The following TRIB3 variants were observed in gnomAD, a reference collection of about 807,000 sequenced individuals.
TRIB3 encodes tribbles homolog 3.
TRIB3 carries 20 observed loss-of-function variants against 16.6 expected under a neutral mutation model. That is an observed-to-expected ratio of 1.20 (90% CI 0.85 to 1.75). The LOEUF (loss-of-function observed/expected upper bound fraction) is 1.75, where lower values mean the gene tolerates loss of function less well. Ranked by LOEUF, TRIB3 falls within the 40% of genes most tolerant of loss-of-function variation. The pLI is 0.00. For missense variants in TRIB3, 484 were observed against 488.9 expected (o/e 0.99, Z 0.10); for synonymous variants, 208 against 217.0 (o/e 0.96, Z 0.36).
intron 1 of TRIB3, chr20:385,559 G>C (rs1349504082): frequency 1.3e-5 from 2 of 151,886 alleles, no homozygotes; most frequent in African/African-American, 2.4e-5. Flanking sequence ...ACTTCACCTG[G>C]GAACTGGATA....
intron 3 of TRIB3, among the ~76,000 whole-genome samples, chr20:395,493 T>A (rs2015100973): frequency 6.6e-6 from 1 of 151,970 alleles, no homozygotes; most frequent in Admixed American, 6.6e-5. Context: ...TGCTTACCTG[T>A]TTGTGTTTTT....
intron 1 of TRIB3, among the ~76,000 whole-genome samples, chr20:387,031 G>A (rs529846070): frequency 1.6e-4 from 24 of 149,718 alleles, no homozygotes; most frequent in Middle Eastern, 7.2e-3. Context: ...GATTACAGGC[G>A]TGAGCCACCA....
At chr20:386,954 T>C (rs543677835) in intron 1 of TRIB3, among the ~76,000 whole-genome samples, 1 of 151,502 alleles carries the variant, frequency 6.6e-6, no homozygotes, top group South Asian at 2.1e-4. Context: ...GGTTTCACCA[T>C]GTTGGCCAGG....
intron 2 of TRIB3, among the ~76,000 whole-genome samples, chr20:388,951 G>GCTA (rs2014898993): frequency 6.6e-6 from 1 of 152,128 alleles, no homozygotes; most frequent in Non-Finnish European, 1.5e-5. Context: ...ACTGGGCCTG[G>GCTA]CTCCTGGGGT....
chr20:392,418 T>C (rs2015005733), intron 3 of TRIB3, among the ~76,000 whole-genome samples: 1 of 152,092 alleles, frequency 6.6e-6, no homozygotes, highest in South Asian at 2.1e-4. Flanking sequence ...AGGGCTGGAT[T>C]GTTAGGGTGT....
At chr20:384,190 C>G (rs923089774) in intron 1 of TRIB3, among the ~76,000 whole-genome samples, 1 of 152,110 alleles carries the variant, frequency 6.6e-6, no homozygotes, top group Non-Finnish European at 1.5e-5. Flanking sequence ...CTCACTGCCC[C>G]GTCTTGTACT....
chr20:387,550 TG>T (rs368749190), intron 1 of TRIB3, among the ~76,000 whole-genome samples: 44 of 137,468 alleles, frequency 3.2e-4, no homozygotes, highest in East Asian at 2.3e-3. Context: ...CAACATCTCT[TG>T]GGGAAAAAAA....
rs770252381 is a variant in TRIB3, at chr20:391,481, C to T, written c.486C>T (p.Leu162=). The change falls in exon 3 of 4, where the codon CTC becomes CTT. Residue 162 remains leucine (L), a synonymous_variant. Coordinates refer to ENST00000217233, the MANE Select transcript of TRIB3 (RefSeq NM_021158.5). ...HRIPEPEAAV[L]FRQMATALAH... ...TCCCTGAGCCTGAGGCTGCCGTGCT[C>T]TTCCGCCAGATGGCCACCGCCCTGG... The T allele has an allele frequency of 5.6e-6, 9 of 1,613,760 alleles. No homozygotes were observed. The highest frequency in any genetic ancestry group is 1.3e-5 in the African/African-American group (1 of 74,958).
intron 2 of TRIB3, among the ~76,000 whole-genome samples, chr20:390,520 G>A (rs1021101969): frequency 4.6e-5 from 7 of 152,194 alleles, no homozygotes; most frequent in Non-Finnish European, 1.0e-4. Context: ...CCCAGGGCCA[G>A]CATACTGAAT....
At chr20:384,540 G>A (rs1462986406) in intron 1 of TRIB3, among the ~76,000 whole-genome samples, 3 of 151,958 alleles carry the variant, frequency 2.0e-5, no homozygotes, top group Admixed American at 2.0e-4. Flanking sequence ...ATTTTTGTAT[G>A]TTTAGTAGAG....
chr20:386,611 TG>T (rs528513666), intron 1 of TRIB3, among the ~76,000 whole-genome samples: 8 of 151,820 alleles, frequency 5.3e-5, no homozygotes, highest in Non-Finnish European at 1.0e-4. Context: ...CTTGTTCTGT[TG>T]GCCAGGCTGA....
chr20:388,163 C>G lies in TRIB3; in HGVS notation c.153C>G (p.Ser51Arg). The change falls in exon 2 of 4, where the codon AGC becomes AGG. Residue 51 changes from serine to arginine, a missense_variant. By Grantham distance (110) the Ser-to-Arg change is moderately radical (BLOSUM62 -1). Transcript: ENST00000217233. ...TGCCCCCCTGCCTGTTGCCCCTGAG[C>G]CCACCTACTGCTCCAGATCGTGCAA... ...PRLPPCLLPL[S>R]PPTAPDRATA... 1 of 1,614,072 alleles carries G rather than the reference C, an allele frequency of 6.2e-7. No homozygotes were observed. The highest frequency in any genetic ancestry group is 8.5e-7 in the Non-Finnish European group (1 of 1,180,026).
intron 2 of TRIB3, among the ~76,000 whole-genome samples, chr20:390,808 C>T (rs984493257): frequency 4.6e-5 from 7 of 152,080 alleles, no homozygotes; most frequent in Non-Finnish European, 7.4e-5. Context: ...TCGAGACCAG[C>T]TTAGCCAACA....
At chr20:394,059 C>T (rs1354993180) in intron 3 of TRIB3, among the ~76,000 whole-genome samples, 41 of 134,374 alleles carry the variant, frequency 3.1e-4, no homozygotes, top group African/African-American at 1.2e-3. Flanking sequence ...GAGACAGAGT[C>T]TCGCTCTGTT....
At chr20:388,365 G>T in intron 2 of TRIB3, 64 bp downstream of exon 2, 2 of 1,526,350 alleles carry the variant, frequency 1.3e-6, no homozygotes, top group Non-Finnish European at 1.8e-6. Flanking sequence ...GCCTCCAAAG[G>T]ATTGCCAGGG....
chr20:390,329 AAAAAAAC>A (rs1038335216), intron 2 of TRIB3, among the ~76,000 whole-genome samples: 11 of 144,012 alleles, frequency 7.6e-5, no homozygotes, highest in African/African-American at 1.6e-4. Flanking sequence ...ACTCCGTCTC[AAAAAAAC>A]AAAAAACAAA....
intron 2 of TRIB3, among the ~76,000 whole-genome samples, chr20:390,910 G>A (rs952045079): frequency 2.9e-4 from 43 of 149,806 alleles, no homozygotes; most frequent in African/African-American, 1.0e-3. Flanking sequence ...GCTGAAGCGG[G>A]AGAATCACTT....
chr20:393,355 A>T (rs1423104555), intron 3 of TRIB3, among the ~76,000 whole-genome samples: 1 of 150,992 alleles, frequency 6.6e-6, no homozygotes, highest in Non-Finnish European at 1.5e-5. Context: ...TTTTTGAGAC[A>T]GGGTCTCACT....
intron 1 of TRIB3, among the ~76,000 whole-genome samples, chr20:384,098 C>T (rs555285149): frequency 1.3e-5 from 2 of 152,224 alleles, no homozygotes; most frequent in Admixed American, 1.3e-4. Flanking sequence ...GAGCCCTTAA[C>T]TTCGCGTCTC....
Sources: allele counts gnomAD v4.1 joint callset (sites outside exome capture counted in the v4.1 genomes callset), GRCh38; gene constraint gnomAD v4.1.1; transcripts MANE v1.5; gene names NCBI Gene and HGNC (gene_info 2026-07-23, HGNC 2026-07-21).